The following MMP26 variants were observed in gnomAD, a reference collection of about 807,000 sequenced individuals.
MMP26 encodes the protein matrix metallopeptidase 26.
MMP26 carries 33 observed loss-of-function variants against 31.0 expected under a neutral mutation model. That is an observed-to-expected ratio of 1.06 (90% confidence interval 0.81 to 1.42). The LOEUF is 1.42. Among genes scored for constraint, MMP26 ranks in the 40% most tolerant of loss-of-function variants. The pLI is 0.00. For synonymous variants in MMP26, 122 were observed against 114.9 expected (o/e 1.06, Z -0.40); for missense variants, 347 against 316.1 (o/e 1.10, Z -0.74).
intron 2 of MMP26, chr11:4,944,245 A>G (rs113172135): frequency 8.6e-6 from 3 of 348,064 alleles, no homozygotes. Context: ...AAAAACTAAA[A>G]TGTATTCAAG....
intron 2 of MMP26, among the ~76,000 whole-genome samples, chr11:4,869,908 T>C (rs964233125): frequency 6.6e-6 from 1 of 152,182 alleles, no homozygotes; most frequent in Admixed American, 6.5e-5. Flanking sequence ...AATGATGAGT[T>C]CATGTCCTTT....
At chr11:4,830,638 A>G (rs1035587603) in intron 2 of MMP26, among the ~76,000 whole-genome samples, 1 of 152,242 alleles carries the variant, frequency 6.6e-6, no homozygotes, top group Non-Finnish European at 1.5e-5. Flanking sequence ...TGTCTCTGTC[A>G]GAATTCAGAC....
At chr11:4,860,062 A>G (rs1003559991) in intron 2 of MMP26, 3 of 471,024 alleles carry the variant, frequency 6.4e-6, no homozygotes, top group African/African-American at 6.0e-5. Flanking sequence ...GCAGAAGGGT[A>G]GGCACTTTAT....
intron 2 of MMP26, among the ~76,000 whole-genome samples, chr11:4,798,029 A>C (rs895849885): frequency 6.6e-6 from 1 of 152,238 alleles, no homozygotes; most frequent in Admixed American, 6.5e-5. Flanking sequence ...GCTGAAATGC[A>C]GTGATGCATT....
At chr11:4,761,384 G>A (rs547747938) in intron 1 of MMP26, among the ~76,000 whole-genome samples, 1 of 152,290 alleles carries the variant, frequency 6.6e-6, no homozygotes, top group Non-Finnish European at 1.5e-5. Context: ...TTACAGTGGG[G>A]TATGTGAAGG....
At chr11:4,717,440 T>C (rs371206357) in intron 1 of MMP26, among the ~76,000 whole-genome samples, 1 of 151,968 alleles carries the variant, frequency 6.6e-6, no homozygotes, top group Non-Finnish European at 1.5e-5. Flanking sequence ...GAGAAAAACA[T>C]AGTTGTAGCG....
At position 4,707,151 on chromosome 11, in the gene MMP26, T is replaced by G. The variant is rs1393446929; in HGVS notation, c.-217+2106T>G. On this transcript the variant is annotated intron_variant, in intron 1 of 7. Coordinates refer to ENST00000380390, the MANE Select transcript of MMP26 (RefSeq NM_021801.5). ...CATGATTTTACATTCTCTCCAACTG[T>G]GTACAATAGGTCCAATTTCTTCTCA... 2.0e-5 allele frequency among the ~76,000 whole-genome samples: 3 copies of G among 152,216 alleles called. No homozygotes were observed. The East Asian group carries it at 5.8e-4, about 29-fold the overall frequency.
intron 1 of MMP26, among the ~76,000 whole-genome samples, chr11:4,725,421 T>A (rs1268788869): frequency 6.6e-6 from 1 of 152,232 alleles, no homozygotes; most frequent in Non-Finnish European, 1.5e-5. Context: ...CATACCCTAA[T>A]GGTGAGCTAG....
chr11:4,925,164 A>C (rs1851252144), intron 2 of MMP26, among the ~76,000 whole-genome samples: 1 of 152,122 alleles, frequency 6.6e-6, no homozygotes, highest in Admixed American at 6.5e-5. Flanking sequence ...CAGGTGAGAA[A>C]ATTGTAGCGC....
At chr11:4,847,922 G>A in intron 2 of MMP26, 1 of 273,346 alleles carries the variant, frequency 3.7e-6, no homozygotes, top group Admixed American at 5.0e-5. Context: ...CCAGTATTAA[G>A]GTATAGATAT....
chr11:4,919,879 C>G lies in MMP26; in HGVS notation c.-144-68189C>G, dbSNP rs533074273. ...CCTGATTTCTGCATACTCTTAGGGA[C>G]TTCATCTCCTCTTCCTGTCTCTGAT... On this transcript the variant is annotated intron_variant, in intron 2 of 7. Transcript: ENST00000380390. Among the ~76,000 whole-genome samples, 25 of 152,218 alleles carry G rather than the reference C, an allele frequency of 1.6e-4. No individual in the cohort carries two copies. In the Middle Eastern group the frequency reaches 0.01, roughly 62 times the overall value.
intron 2 of MMP26, chr11:4,882,320 A>AGT (rs772937040): frequency 6.2e-7 from 1 of 1,613,962 alleles, no homozygotes; most frequent in South Asian, 1.1e-5. Flanking sequence ...CCTCACAGAC[A>AGT]GGATGGTCCT....
intron 2 of MMP26, among the ~76,000 whole-genome samples, chr11:4,940,735 C>A (rs1469496617): frequency 1.3e-5 from 2 of 152,148 alleles, no homozygotes; most frequent in African/African-American, 4.8e-5. Flanking sequence ...CAGACTTTGG[C>A]AGAGAAAACT....
intron 2 of MMP26, chr11:4,822,159 C>T (rs760713088): frequency 7.4e-6 from 12 of 1,612,760 alleles, no homozygotes; most frequent in Non-Finnish European, 1.0e-5. Flanking sequence ...GCACATCCCA[C>T]ATCAGTGCTG....
At chr11:4,741,736 G>C (rs528584747) in intron 1 of MMP26, among the ~76,000 whole-genome samples, 5 of 151,710 alleles carry the variant, frequency 3.3e-5, no homozygotes, top group Non-Finnish European at 5.9e-5. Flanking sequence ...GTGACAAACC[G>C]GCACATTCTG....
chr11:4,773,717 G>A (rs559015551), intron 2 of MMP26, among the ~76,000 whole-genome samples: 3 of 151,614 alleles, frequency 2.0e-5, no homozygotes, highest in South Asian at 2.1e-4. Context: ...GGTTTGCTGC[G>A]ACTATCCACC....
At chr11:4,783,067 C>T (rs1848886035) in intron 2 of MMP26, among the ~76,000 whole-genome samples, 1 of 152,212 alleles carries the variant, frequency 6.6e-6, no homozygotes, top group Admixed American at 6.5e-5. Flanking sequence ...ACACAGAGCC[C>T]CTACTGGGGC....
chr11:4,934,458 G>A (rs1210344902), intron 2 of MMP26, among the ~76,000 whole-genome samples: 16 of 100,568 alleles, frequency 1.6e-4, no homozygotes, highest in African/African-American at 5.7e-4. Flanking sequence ...TGAGTTCATT[G>A]TAGATTCTGG....
intron 2 of MMP26, among the ~76,000 whole-genome samples, chr11:4,776,693 T>C (rs1195574961): frequency 1.3e-5 from 2 of 152,138 alleles, no homozygotes; most frequent in Non-Finnish European, 2.9e-5. Context: ...TCTCATGATA[T>C]CTGGTTGTTT....
Sources: gnomAD v4.1 joint callset for allele counts (sites outside exome capture counted in the v4.1 genomes callset) on GRCh38, gnomAD v4.1.1 for gene constraint, MANE v1.5 for transcripts, NCBI Gene and HGNC (gene_info 2026-07-23, HGNC 2026-07-21) for gene names.